Variants in SHISA6 observed in about 807,000 individuals in gnomAD.
The protein encoded by SHISA6 is protein shisa-6.
A neutral mutation model predicts 47.9 loss-of-function variants in SHISA6; 22 were observed. The observed-to-expected ratio is 0.46, with a 90% CI of 0.33 to 0.66. SHISA6 has a LOEUF of 0.66. SHISA6 is among the 30% of genes least tolerant of loss of function. The pLI, the probability that SHISA6 is intolerant of heterozygous loss-of-function variation, is 0.02. For missense variants in SHISA6, 680 were observed against 764.6 expected (o/e 0.89, Z 1.30); for synonymous variants, 388 against 337.8 (o/e 1.15, Z -1.63).
intron 2 of SHISA6, among the ~76,000 whole-genome samples, chr17:11,284,980 G>T (rs749067943): frequency 6.6e-6 from 1 of 152,140 alleles, no homozygotes; most frequent in Non-Finnish European, 1.5e-5. Context: ...TCTCCAGCTG[G>T]CCCTGTGGCC....
At chr17:11,507,744 G>A (rs2071511525) in intron 3 of SHISA6, among the ~76,000 whole-genome samples, 3 of 152,130 alleles carry the variant, frequency 2.0e-5, no homozygotes, top group Admixed American at 2.0e-4. Context: ...TTGTTTTAAT[G>A]TGTCTCTTGC....
At chr17:11,523,050 T>C (rs774210356) in intron 3 of SHISA6, among the ~76,000 whole-genome samples, 1 of 152,168 alleles carries the variant, frequency 6.6e-6, no homozygotes, top group Non-Finnish European at 1.5e-5. Context: ...CCCGGTTTCT[T>C]AGCAGATGTT....
At chr17:11,377,331 C>A (rs1360582762) in intron 2 of SHISA6, among the ~76,000 whole-genome samples, 5 of 152,138 alleles carry the variant, frequency 3.3e-5, no homozygotes, top group African/African-American at 4.8e-5. Context: ...GAATGCTCCT[C>A]CTGGAAAGCT....
At chr17:11,350,157 AATTTATTTATTT>A (rs542515657) in intron 2 of SHISA6, among the ~76,000 whole-genome samples, 192 of 128,196 alleles carry the variant, frequency 1.5e-3, no homozygotes, top group African/African-American at 3.2e-3. Context: ...ATGCCCGGCT[AATTTATTTATTT>A]ATTTATTTAT....
At chr17:11,315,933 T>A (rs889294713) in intron 2 of SHISA6, among the ~76,000 whole-genome samples, 1 of 152,208 alleles carries the variant, frequency 6.6e-6, no homozygotes, top group African/African-American at 2.4e-5. Flanking sequence ...AATCATTTTT[T>A]ATGCTCTGAA....
At chr17:11,262,366 G>A (rs78493919) in intron 1 of SHISA6, among the ~76,000 whole-genome samples, 2,813 of 152,286 alleles carry the variant, frequency 0.018, 40 homozygotes, top group Middle Eastern at 0.037. Context: ...CAAAACGGGA[G>A]TGCATTGAGG....
chr17:11,556,461 T>C (rs1304690394), intron 5 of SHISA6, among the ~76,000 whole-genome samples: 1 of 152,200 alleles, frequency 6.6e-6, no homozygotes, highest in Admixed American at 6.5e-5. Context: ...GGGTTAAAGA[T>C]ACAAAAATGT....
chr17:11,494,471 G>C lies in SHISA6; in HGVS notation c.896-57425G>C, dbSNP rs557263921. Among the ~76,000 whole-genome samples the C allele has an allele frequency of 9.2e-5, 14 of 152,324 alleles. No homozygotes were observed. The South Asian group carries it at 2.7e-3, about 29-fold the overall frequency. On this transcript the variant is annotated intron_variant, in intron 3 of 5. Coordinates refer to ENST00000441885, the MANE Select transcript of SHISA6 (RefSeq NM_207386.4). Reference sequence around the variant, plus strand: ...TGAATGTCCTCCGCAGTGCACCTCTGCACACCCACAGAACTTCCAGTGAAC... The same window carrying C: ...TGAATGTCCTCCGCAGTGCACCTCTCCACACCCACAGAACTTCCAGTGAAC...
Position 11,559,177 on chromosome 17 carries a change from A to T in SHISA6, c.*873A>T, listed in dbSNP as rs1395753998. 2 of 152,588 alleles carry T rather than the reference A, an allele frequency of 1.3e-5. No homozygotes were observed. Among genetic ancestry groups the T allele is most frequent in the African/African-American group, 4.8e-5 (2 of 41,448 alleles). 9.5% of individuals were successfully genotyped at this position (152,588 alleles called of 1,614,324 possible). A position where few individuals can be genotyped will look rare whatever the true frequency, so the allele number is the denominator to read the frequency against. ...AGCAATGGGGTGCTGGCCCTCCCAG[A>T]CACCCGATCATCTCCGCACTCCCTC... is the stretch of plus-strand genomic sequence containing the variant. On this transcript the variant is annotated 3_prime_UTR_variant, in exon 6 of 6. Transcript: ENST00000441885. The surrounding 1 kb of genome is among the most constrained non-coding windows in gnomAD (Gnocchi z 4.4).
intron 2 of SHISA6, among the ~76,000 whole-genome samples, chr17:11,336,838 C>G (rs1194436661): frequency 6.6e-6 from 1 of 152,164 alleles, no homozygotes; most frequent in Non-Finnish European, 1.5e-5. Context: ...CTGATTTCTT[C>G]CAGAAAGTCA....
At chr17:11,534,896 A>G (rs2071772120) in intron 3 of SHISA6, among the ~76,000 whole-genome samples, 2 of 152,080 alleles carry the variant, frequency 1.3e-5, no homozygotes, top group Non-Finnish European at 2.9e-5. Flanking sequence ...TTGGGAGGCC[A>G]AGGAGGGTGG....
Position 11,463,136 on chromosome 17 carries a change from G to C in SHISA6, c.895+83627G>C, listed in dbSNP as rs557134391. 2.0e-5 allele frequency among the ~76,000 whole-genome samples: 3 copies of C among 152,258 alleles called. No homozygotes were observed. The South Asian group carries it at 6.2e-4, about 32-fold the overall frequency. ...CAAGAGTAATCTGTGGAGCCAACAGGCTGCAAAGGAAAACTCGGGACCCTC... is the reference window on the plus strand; with the variant it reads ...CAAGAGTAATCTGTGGAGCCAACAGCCTGCAAAGGAAAACTCGGGACCCTC... On this transcript the variant is annotated intron_variant, in intron 3 of 5. Transcript: ENST00000441885.
At chr17:11,299,690 A>G (rs911503562) in intron 2 of SHISA6, among the ~76,000 whole-genome samples, 4 of 151,946 alleles carry the variant, frequency 2.6e-5, no homozygotes, top group Admixed American at 1.3e-4. Context: ...CATCACTCCA[A>G]TCTCTGTTTT....
intron 2 of SHISA6, among the ~76,000 whole-genome samples, chr17:11,292,670 C>T (rs1456765836): frequency 2.0e-5 from 3 of 151,750 alleles, no homozygotes; most frequent in East Asian, 1.9e-4. Flanking sequence ...TTTGAGGAAC[C>T]GGAGACCAGT....
chr17:11,331,337 A>G (rs1013217667), intron 2 of SHISA6, among the ~76,000 whole-genome samples: 3 of 152,194 alleles, frequency 2.0e-5, no homozygotes, highest in Non-Finnish European at 2.9e-5. Flanking sequence ...GCTTCCTCTC[A>G]GTGGGAACGT....
chr17:11,353,951 AC>A, intron 2 of SHISA6, among the ~76,000 whole-genome samples: 1 of 151,960 alleles, frequency 6.6e-6, no homozygotes, highest in Non-Finnish European at 1.5e-5. Context: ...TCCTAAGAGA[AC>A]CCCCTACTCC....
At chr17:11,517,296 G>T (rs578130199) in intron 3 of SHISA6, among the ~76,000 whole-genome samples, 1 of 152,274 alleles carries the variant, frequency 6.6e-6, no homozygotes, top group African/African-American at 2.4e-5. Context: ...AAGAGAAAAG[G>T]AGCAGGTAGG....
chr17:11,244,628 G>A (rs1418279471), intron 1 of SHISA6, among the ~76,000 whole-genome samples: 1 of 152,150 alleles, frequency 6.6e-6, no homozygotes, highest in African/African-American at 2.4e-5. Context: ...GTAGGGAAAA[G>A]GAGGGAGTGA....
chr17:11,443,325 T>C (rs1009357601), intron 3 of SHISA6, among the ~76,000 whole-genome samples: 1 of 152,214 alleles, frequency 6.6e-6, no homozygotes, highest in Non-Finnish European at 1.5e-5. Flanking sequence ...ACGAAGTGTG[T>C]CTCTGTCTTC....
Sources: allele counts gnomAD v4.1 joint callset (sites outside exome capture counted in the v4.1 genomes callset), GRCh38; gene constraint gnomAD v4.1.1; non-coding constraint Gnocchi (gnomAD v3.1); transcripts MANE v1.5; gene names NCBI Gene and HGNC (gene_info 2026-07-23, HGNC 2026-07-21).